HEATR9: variants seen among roughly 807,000 people sequenced by gnomAD.
HEATR9 encodes the protein HEAT repeat containing 9, also known as protein HEATR9.
A neutral mutation model predicts 68.2 loss-of-function variants in HEATR9; 54 were observed. The observed-to-expected ratio is 0.79, with a 90% CI of 0.64 to 0.99. The LOEUF is 0.99. Ranked by LOEUF, HEATR9 falls within the 50% of genes least tolerant of loss-of-function variation. HEATR9 has a pLI of 0.00. For missense variants in HEATR9, 662 were observed against 679.7 expected (o/e 0.97, Z 0.29); for synonymous variants, 241 against 253.5 (o/e 0.95, Z 0.47).
chr17:35,864,710 C>A, intron 4 of HEATR9, 48 bp downstream of exon 4: 1 of 1,610,950 alleles, frequency 6.2e-7, no homozygotes, highest in Non-Finnish European at 8.5e-7. Context: ...AAGGGAAGGG[C>A]ACCCACAGGG....
intron 12 of HEATR9, chr17:35,856,456 T>A (rs956873271): frequency 1.1e-5 from 14 of 1,217,844 alleles, no homozygotes; most frequent in Middle Eastern, 4.2e-4. Context: ...TTTATCTTTT[T>A]AAAAAAAGTT....
chr17:35,864,203 C>T (rs2088110759), intron 6 of HEATR9, 43 bp downstream of exon 6: 3 of 1,541,700 alleles, frequency 1.9e-6, no homozygotes, highest in African/African-American at 1.4e-5. Context: ...CATCTCAGAC[C>T]CTGTTTCCTT....
intron 2 of HEATR9, among the ~76,000 whole-genome samples, chr17:35,866,364 A>G (rs1202237132): frequency 6.6e-6 from 1 of 152,236 alleles, no homozygotes; most frequent in Non-Finnish European, 1.5e-5. Flanking sequence ...TGTTTATCCA[A>G]AATTCAAATT....
At chr17:35,856,851 G>C in intron 11 of HEATR9, 46 bp from the exon 12 acceptor site, 1 of 1,500,228 alleles carries the variant, frequency 6.7e-7, no homozygotes, top group African/African-American at 1.4e-5. Context: ...GAATGCAAGG[G>C]TGTACACTTA....
chr17:35,860,749 A>G (rs188328879), intron 8 of HEATR9, among the ~76,000 whole-genome samples: 1 of 151,862 alleles, frequency 6.6e-6, no homozygotes, highest in Non-Finnish European at 1.5e-5. Flanking sequence ...TCAGCCTCCC[A>G]AAGTGCTGGG....
Position 35,855,414 on chromosome 17 carries a change from C to T in HEATR9, c.1366-4G>A. ...AAAGGATTAATGTTTCTTGTAGCTG[C>T]ATTGAAACAAAGGTCCTAGTGCTGG... On this transcript the variant is annotated splice_region_variant and splice_polypyrimidine_tract_variant and intron_variant, in intron 14 of 14. Transcript: ENST00000604834. 5.6e-6 allele frequency: 9 copies of T among 1,609,812 alleles called. No individual in the cohort carries two copies. The highest frequency in any genetic ancestry group is 7.6e-6 in the Non-Finnish European group (9 of 1,176,876).
intron 8 of HEATR9, among the ~76,000 whole-genome samples, chr17:35,862,670 G>A (rs1598595315): frequency 6.6e-6 from 1 of 152,324 alleles, no homozygotes; most frequent in South Asian, 2.1e-4. Flanking sequence ...AGTAAGTTAA[G>A]GAGTGTACTG....
intron 8 of HEATR9, chr17:35,861,655 T>C (rs2087996721): frequency 1.7e-6 from 1 of 580,492 alleles, no homozygotes; most frequent in Non-Finnish European, 3.1e-6. Flanking sequence ...GAATGTCTTC[T>C]CTCAGATATC....
intron 9 of HEATR9, 23 bp from the exon 10 acceptor site, chr17:35,858,548 AG>A: frequency 6.3e-7 from 1 of 1,599,528 alleles, no homozygotes; most frequent in Non-Finnish European, 8.6e-7. Flanking sequence ...AGGGTAGGGC[AG>A]GGTGTACAGG....
chr17:35,867,428 C>CAAAAA (rs11315915), intron 1 of HEATR9, among the ~76,000 whole-genome samples: 14 of 40,088 alleles, frequency 3.5e-4, no homozygotes, highest in African/African-American at 4.4e-4. Flanking sequence ...GAGCAAGACT[C>CAAAAA]AAAAAAAAAA....
At chr17:35,858,011 CAG>C (rs1259658168) in intron 11 of HEATR9, among the ~76,000 whole-genome samples, 187 bp downstream of exon 11, 1 of 152,130 alleles carries the variant, frequency 6.6e-6, no homozygotes, top group Non-Finnish European at 1.5e-5. Context: ...AAGGATGACT[CAG>C]ATCATTTTAA....
At chr17:35,863,164 G>C in intron 7 of HEATR9, 39 bp from the exon 8 acceptor site, 1 of 1,611,160 alleles carries the variant, frequency 6.2e-7, no homozygotes, top group Non-Finnish European at 8.5e-7. Flanking sequence ...CAGAGCCTCT[G>C]GTACTGCCCC....
chr17:35,858,278 CAGCCCAATGGTCTTG>C lies in HEATR9; in HGVS notation c.1059_1073del (p.Lys354_Leu358del). ...CTAGCCCCTGTGCCTGGATCTGTTC[CAGCCCAATGGTCTTG>C]AGCATTTGGGTGGCTTCAAAGCGGT... On this transcript the variant is annotated inframe_deletion, in exon 11 of 15. Coordinates refer to ENST00000604834, the MANE Select transcript of HEATR9 (RefSeq NM_152781.4). 1 of 1,614,164 alleles carries C rather than the reference CAGCCCAATGGTCTTG, an allele frequency of 6.2e-7. No homozygotes were observed.
chr17:35,860,479 T>TTTA (rs1303796847), intron 8 of HEATR9, among the ~76,000 whole-genome samples: 3,672 of 94,104 alleles, frequency 0.039, 125 homozygotes, highest in African/African-American at 0.13. Flanking sequence ...TATTTATTTA[T>TTTA]TTTATTTATT....
chr17:35,855,330 A>G lies in HEATR9; in HGVS notation c.1446T>C (p.Tyr482=). The G allele has an allele frequency of 3.7e-6, 6 of 1,614,150 alleles. No individual in the cohort carries two copies. Among genetic ancestry groups the G allele is most frequent in the Non-Finnish European group, 5.1e-6 (6 of 1,179,986 alleles). The part of the protein sequence containing the change: ...NKLKNKVLSV[Y]EAPKTNVKAE... ...CCTTCACATTGGTCTTAGGTGCCTCATATACAGAGAGAACCTTGTTTTTCA... is the reference window on the plus strand; with the variant it reads ...CCTTCACATTGGTCTTAGGTGCCTCGTATACAGAGAGAACCTTGTTTTTCA... The change falls in exon 15 of 15, where the codon TAT becomes TAC. Residue 482 remains tyrosine, a synonymous_variant. Transcript: ENST00000604834.
chr17:35,855,967 C>G (rs1328023483), intron 13 of HEATR9, among the ~76,000 whole-genome samples: 1 of 152,148 alleles, frequency 6.6e-6, no homozygotes, highest in African/African-American at 2.4e-5. Context: ...TCTGCAGCAT[C>G]TAAGCAACAC....
chr17:35,865,202 C>A lies in HEATR9; in HGVS notation c.320+13G>T. ...TGGAGGGTGAGAAGAATATGGAGGC[C>A]AGCAAAACACACCTACAGTCATCTC... On this transcript the variant is annotated intron_variant, in intron 3 of 14. Transcript: ENST00000604834. The A allele has an allele frequency of 6.2e-7, 1 of 1,610,122 alleles. No homozygotes were observed. The highest frequency in any genetic ancestry group is 1.7e-5 in the Admixed American group (1 of 59,892).
intron 10 of HEATR9, 57 bp from the exon 11 acceptor site, chr17:35,858,376 T>G (rs1418288136): frequency 5.6e-6 from 9 of 1,613,828 alleles, no homozygotes; most frequent in Non-Finnish European, 7.6e-6. Context: ...CCCTTCTTCA[T>G]CCCCTAACCC....
chr17:35,863,529 C>T lies in HEATR9; in HGVS notation c.598G>A (p.Glu200Lys), dbSNP rs765382917. ...AQTGPEKVKY[E>K]AYRTLAILGC... ...AGGATGGCCAGGGTTCGGTAGGCCTCGTACTTCACTTTCTCTGGACCAGTT... is the reference window on the plus strand; with the variant it reads ...AGGATGGCCAGGGTTCGGTAGGCCTTGTACTTCACTTTCTCTGGACCAGTT... Residue 200 changes from glutamate (E) to lysine (K), a missense_variant, in exon 7 of 15, where the codon GAG becomes AAG. Coordinates refer to ENST00000604834, the MANE Select transcript of HEATR9 (RefSeq NM_152781.4). 4.3e-6 allele frequency: 7 copies of T among 1,614,070 alleles called. No homozygotes were observed. Among genetic ancestry groups the T allele is most frequent in the South Asian group, 2.2e-5 (2 of 91,080 alleles).
Sources: allele counts gnomAD v4.1 joint callset (sites outside exome capture counted in the v4.1 genomes callset), GRCh38; gene constraint gnomAD v4.1.1; transcripts MANE v1.5; gene names NCBI Gene and HGNC (gene_info 2026-07-23, HGNC 2026-07-21).